Variants in MLLT3 observed in about 807,000 individuals in gnomAD.
The protein encoded by MLLT3 is protein AF-9.
In MLLT3, 4 loss-of-function variants were observed where a neutral mutation model predicts 53.2. The observed-to-expected ratio is 0.08, with a 90% CI of 0.04 to 0.17. The LOEUF is 0.17. MLLT3 is among the 10% of genes least tolerant of loss of function. The probability of loss-of-function intolerance (pLI) is 1.00; values close to 1 mark genes in which losing one functional copy is unlikely to be tolerated. For synonymous variants in MLLT3, 283 were observed against 230.6 expected, an observed-to-expected ratio of 1.23 and a Z score of -2.06; for missense variants, 569 against 684.0, an observed-to-expected ratio of 0.83 and a Z score of 1.87.
chr9:20,542,841 G>A (rs1030693002), intron 2 of MLLT3, among the ~76,000 whole-genome samples: 1 of 152,220 alleles, frequency 6.6e-6, no homozygotes, highest in South Asian at 2.1e-4. Flanking sequence ...GGTTTACATT[G>A]AAAATCTGTT....
intron 2 of MLLT3, among the ~76,000 whole-genome samples, chr9:20,559,399 C>G (rs1819143316): frequency 6.6e-6 from 1 of 152,150 alleles, no homozygotes; most frequent in Admixed American, 6.5e-5. Context: ...ATTCCAGTTT[C>G]CAAGCTGTTT....
rs1355070078 is a variant in MLLT3, at chr9:20,621,138, CACG to C, written c.13-307_13-305del. Among the ~76,000 whole-genome samples, 2 of 152,188 alleles carry C rather than the reference CACG, an allele frequency of 1.3e-5. No individual in the cohort carries two copies. Among genetic ancestry groups the C allele is most frequent in the Admixed American group, 1.3e-4 (2 of 15,292 alleles). ...GGAAAAGAGGGAGAACACACTCAGC[CACG>C]ACAAGCACGACAACAAATGCATCGG... On this transcript the variant is annotated intron_variant, in intron 1 of 10. Transcript: ENST00000380338. This position sits in a 1 kb window ranked among gnomAD's most constrained non-coding sequence, Gnocchi z 7.0.
At chr9:20,401,362 G>A (rs1822449873) in intron 5 of MLLT3, among the ~76,000 whole-genome samples, 1 of 152,142 alleles carries the variant, frequency 6.6e-6, no homozygotes, top group Non-Finnish European at 1.5e-5. Flanking sequence ...ACACAGGAAG[G>A]TGTTTTGGGA....
intron 2 of MLLT3, among the ~76,000 whole-genome samples, chr9:20,476,794 T>C (rs1824532227): frequency 6.6e-6 from 1 of 152,164 alleles, no homozygotes; most frequent in African/African-American, 2.4e-5. Context: ...CATTGAATTC[T>C]CAATATTAAA....
At chr9:20,388,371 G>A (rs539260880) in intron 5 of MLLT3, among the ~76,000 whole-genome samples, 16 of 152,254 alleles carry the variant, frequency 1.1e-4, no homozygotes, top group South Asian at 8.3e-4. Context: ...TGCAGATCAC[G>A]AGGTCAGGAG....
chr9:20,516,621 C>T (rs1381134983), intron 2 of MLLT3, among the ~76,000 whole-genome samples: 1 of 152,200 alleles, frequency 6.6e-6, no homozygotes, highest in African/African-American at 2.4e-5. Context: ...TATTAGAATG[C>T]TCTATCATCT....
chr9:20,495,845 C>T (rs1464601925), intron 2 of MLLT3, among the ~76,000 whole-genome samples: 1 of 152,140 alleles, frequency 6.6e-6, no homozygotes, highest in Admixed American at 6.5e-5. Context: ...TTTAAATATG[C>T]TTGAGACAAA....
At chr9:20,443,553 A>G (rs1823607497) in intron 4 of MLLT3, among the ~76,000 whole-genome samples, 1 of 152,238 alleles carries the variant, frequency 6.6e-6, no homozygotes, top group Non-Finnish European at 1.5e-5. Context: ...CCTTGAAGGA[A>G]GAAACCACGG....
intron 2 of MLLT3, among the ~76,000 whole-genome samples, chr9:20,538,603 A>C (rs1040374859): frequency 6.6e-6 from 1 of 152,232 alleles, no homozygotes; most frequent in African/African-American, 2.4e-5. Context: ...GATAAAAGAG[A>C]AAAGAAGGAA....
intron 5 of MLLT3, among the ~76,000 whole-genome samples, chr9:20,393,755 T>G (rs148392623): frequency 3.9e-4 from 60 of 152,246 alleles, no homozygotes; most frequent in African/African-American, 1.3e-3. Flanking sequence ...ATGTAGTAAT[T>G]AGTCATGCAT....
At chr9:20,466,502 C>G (rs945373664) in intron 2 of MLLT3, among the ~76,000 whole-genome samples, 4 of 152,118 alleles carry the variant, frequency 2.6e-5, no homozygotes, top group Non-Finnish European at 5.9e-5. Context: ...TTGCTCCTAT[C>G]AAACATAGTA....
intron 2 of MLLT3, among the ~76,000 whole-genome samples, chr9:20,490,357 A>C (rs1824917175): frequency 6.6e-6 from 1 of 152,260 alleles, no homozygotes; most frequent in Admixed American, 6.5e-5. Flanking sequence ...ATGGCGTACA[A>C]GAGAGAAGTC....
chr9:20,614,186 G>A (rs1212138379), intron 2 of MLLT3, among the ~76,000 whole-genome samples: 1 of 152,322 alleles, frequency 6.6e-6, no homozygotes, highest in East Asian at 1.9e-4. Flanking sequence ...CCTGAGGTCA[G>A]GAGTTTGAGA....
At chr9:20,420,367 A>C (rs1474780668) in intron 4 of MLLT3, among the ~76,000 whole-genome samples, 1 of 152,206 alleles carries the variant, frequency 6.6e-6, no homozygotes, top group African/African-American at 2.4e-5. Flanking sequence ...AAATACTTTA[A>C]ATCAATTGAT....
chr9:20,541,875 T>C (rs1466564299), intron 2 of MLLT3, among the ~76,000 whole-genome samples: 1 of 152,164 alleles, frequency 6.6e-6, no homozygotes, highest in East Asian at 1.9e-4. Context: ...CTGCAGTCAT[T>C]TCCTCCACTG....
intron 5 of MLLT3, among the ~76,000 whole-genome samples, chr9:20,405,079 A>G (rs1331370043): frequency 6.6e-6 from 1 of 152,204 alleles, no homozygotes; most frequent in East Asian, 1.9e-4. Flanking sequence ...TCGTAGTAAC[A>G]CTGGCCATGT....
intron 4 of MLLT3, among the ~76,000 whole-genome samples, chr9:20,440,288 G>T (rs2118833231): frequency 6.6e-6 from 1 of 152,166 alleles, no homozygotes; most frequent in African/African-American, 2.4e-5. Context: ...ATCCCCTGTG[G>T]TAATGAAGGT....
intron 2 of MLLT3, among the ~76,000 whole-genome samples, chr9:20,519,970 G>A (rs1818018532): frequency 6.6e-6 from 1 of 152,106 alleles, no homozygotes; most frequent in Admixed American, 6.5e-5. Context: ...ATGGTAGACT[G>A]GATAAAGAAA....
At chr9:20,525,399 C>A (rs956103582) in intron 2 of MLLT3, among the ~76,000 whole-genome samples, 1 of 152,154 alleles carries the variant, frequency 6.6e-6, no homozygotes, top group East Asian at 1.9e-4. Flanking sequence ...GGTAGGCTGA[C>A]GCATGAGAAT....
Sources: gnomAD v4.1 joint callset for allele counts (sites outside exome capture counted in the v4.1 genomes callset) on GRCh38, gnomAD v4.1.1 for gene constraint, Gnocchi (gnomAD v3.1) non-coding constraint, MANE v1.5 for transcripts, NCBI Gene and HGNC (gene_info 2026-07-23, HGNC 2026-07-21) for gene names.